The following MFN2 variants were observed in gnomAD, a reference collection of about 807,000 sequenced individuals.
The protein encoded by MFN2 is mitofusin-2.
MFN2 carries 43 observed loss-of-function variants against 87.5 expected under a neutral mutation model. The observed-to-expected ratio is 0.49, with a 90% confidence interval of 0.38 to 0.63. The LOEUF (loss-of-function observed/expected upper bound fraction) is 0.63, where lower values mean the gene tolerates loss of function less well. Ranked by LOEUF, MFN2 falls within the 30% of genes least tolerant of loss-of-function variation. MFN2 has a pLI of 0.00. For synonymous variants in MFN2, 337 were observed against 359.9 expected, an observed-to-expected ratio of 0.94 and a Z score of 0.72; for missense variants, 743 against 972.8, an observed-to-expected ratio of 0.76 and a Z score of 3.14.
rs1639286501 is a variant in MFN2 at position 12,003,881 on chromosome 1, C to G, written c.1161-111C>G. 1.0e-5 allele frequency: 15 copies of G among 1,449,050 alleles called. No individual in the cohort carries two copies. The South Asian group carries it at 1.7e-4, about 17-fold the overall frequency. 89.8% of individuals were successfully genotyped at this position (1,449,050 alleles called of 1,614,324 possible). A position where few individuals can be genotyped will look rare whatever the true frequency, so the allele number is the denominator to read the frequency against. Reference sequence around the variant, plus strand: ...CATGCCCCTGGGTGCGTGTGTGCAGCCCTGCCAGGCAAGATAGCGGGCAGG... The same window carrying G: ...CATGCCCCTGGGTGCGTGTGTGCAGGCCTGCCAGGCAAGATAGCGGGCAGG... On this transcript the variant is annotated intron_variant, in intron 11 of 18. Coordinates refer to ENST00000235329, the MANE Select transcript of MFN2 (RefSeq NM_014874.4). This position sits in a 1 kb window ranked among gnomAD's most constrained non-coding sequence, Gnocchi z 4.1.
At chr1:11,981,516 C>T (rs1645984024) in intron 1 of MFN2, among the ~76,000 whole-genome samples, 1 of 152,248 alleles carries the variant, frequency 6.6e-6, no homozygotes, top group Non-Finnish European at 1.5e-5. Flanking sequence ...CCAGCTTAGA[C>T]AAATCTTCAA....
At chr1:12,001,590 T>C in intron 9 of MFN2, 36 bp downstream of exon 9, 2 of 1,613,962 alleles carry the variant, frequency 1.2e-6, no homozygotes, top group African/African-American at 1.3e-5. Context: ...TTTTCTCTGA[T>C]GTTTGAGACA....
chr1:11,988,552 GTTT>G (rs1638532234), intron 2 of MFN2, among the ~76,000 whole-genome samples: 1 of 151,930 alleles, frequency 6.6e-6, no homozygotes, highest in African/African-American at 2.4e-5. Context: ...AACCAATAGT[GTTT>G]TTATGTGGTC....
At position 12,009,688 on chromosome 1, in the gene MFN2, G is replaced by A; in HGVS notation, c.2166G>A (p.Glu722=). ...QEIAAMNKKI[E]VLDSLQSKAK... The stretch of plus-strand genomic sequence containing the variant: ...TTGCCGCCATGAACAAGAAAATTGA[G>A]GTTCTTGACTCACTTCAGAGCAAAG... Residue 722 remains glutamate, a synonymous_variant, in exon 18 of 19, where the codon GAG becomes GAA. Transcript: ENST00000235329. The A allele has an allele frequency of 6.2e-7, 1 of 1,614,220 alleles. No homozygotes were observed. The highest frequency in any genetic ancestry group is 1.3e-5 in the African/African-American group (1 of 75,048).
chr1:11,998,081 A>G (rs1221540032), intron 6 of MFN2, among the ~76,000 whole-genome samples: 2 of 149,902 alleles, frequency 1.3e-5, no homozygotes, highest in African/African-American at 2.4e-5. Flanking sequence ...ACGGGGTTTC[A>G]CCATGTTGGC....
At position 12,003,906 on chromosome 1, in the gene MFN2, G is replaced by A; in HGVS notation, c.1161-86G>A. ...CCCTGCCAGGCAAGATAGCGGGCAG[G>A]GCGGCGTGGGATTTCTGGCATCCCC... On this transcript the variant is annotated intron_variant, in intron 11 of 18. Coordinates refer to ENST00000235329, the MANE Select transcript of MFN2 (RefSeq NM_014874.4). This position sits in a 1 kb window ranked among gnomAD's most constrained non-coding sequence, Gnocchi z 4.1. 1.3e-6 allele frequency: 2 copies of A among 1,573,584 alleles called. No individual in the cohort carries two copies. Among genetic ancestry groups the A allele is most frequent in the Non-Finnish European group, 1.7e-6 (2 of 1,145,450 alleles).
intron 2 of MFN2, among the ~76,000 whole-genome samples, chr1:11,985,103 C>G (rs1323056151): frequency 1.3e-5 from 2 of 152,058 alleles, no homozygotes; most frequent in Non-Finnish European, 2.9e-5. Context: ...AGCCCTCAAC[C>G]TGTGGGATCT....
At chr1:11,990,644 G>A (rs1294918225) in intron 3 of MFN2, among the ~76,000 whole-genome samples, 1 of 152,174 alleles carries the variant, frequency 6.6e-6, no homozygotes, top group Non-Finnish European at 1.5e-5. Context: ...GGAAAGAGCT[G>A]GAGTGATCCT....
chr1:11,997,879 C>CATT (rs1553142837), intron 6 of MFN2, among the ~76,000 whole-genome samples: 2 of 95,836 alleles, frequency 2.1e-5, no homozygotes, highest in Non-Finnish European at 3.8e-5. Context: ...TGTATATCAT[C>CATT]TTTTTTTTTT....
chr1:12,007,798 T>C (rs1639488151), intron 17 of MFN2, among the ~76,000 whole-genome samples: 1 of 152,024 alleles, frequency 6.6e-6, no homozygotes, highest in African/African-American at 2.4e-5. Context: ...TGATCATTCT[T>C]GGGTGTTTTG....
chr1:11,983,744 A>G (rs1025759663), intron 2 of MFN2, among the ~76,000 whole-genome samples: 3 of 152,206 alleles, frequency 2.0e-5, no homozygotes, highest in Non-Finnish European at 4.4e-5. Context: ...AGGATGTGAT[A>G]AAAACCAGAA....
chr1:11,997,509 C>A, intron 6 of MFN2, 88 bp downstream of exon 6: 1 of 1,565,546 alleles, frequency 6.4e-7, no homozygotes, highest in Non-Finnish European at 8.8e-7. Flanking sequence ...TCCCTGGGCC[C>A]CATCCTTGCT....
chr1:11,987,329 TATA>T (rs1191945023), intron 2 of MFN2, among the ~76,000 whole-genome samples: 1 of 139,944 alleles, frequency 7.1e-6, no homozygotes, highest in African/African-American at 2.7e-5. Context: ...AAAAAAAAAT[TATA>T]ATAAACAAAA....
intron 1 of MFN2, among the ~76,000 whole-genome samples, 187 bp downstream of exon 1, chr1:11,980,671 G>T (rs1557508328): frequency 6.6e-6 from 1 of 152,206 alleles, no homozygotes; most frequent in Non-Finnish European, 1.5e-5. Flanking sequence ...GCGGGCCACG[G>T]GACCTGGGAC....
chr1:12,011,689 C>A lies in MFN2; in HGVS notation c.*124C>A. 1 of 980,608 alleles carries A rather than the reference C, an allele frequency of 1.0e-6. No homozygotes were observed. Among genetic ancestry groups the A allele is most frequent in the Non-Finnish European group, 1.6e-6 (1 of 626,610 alleles). The allele number at this position is 980,608 out of a possible 1,614,324, so 60.7% of individuals were successfully genotyped here. A position where few individuals can be genotyped will look rare whatever the true frequency, so the allele number is the denominator to read the frequency against. On this transcript the variant is annotated 3_prime_UTR_variant, in exon 19 of 19. Transcript: ENST00000235329. ...GCCACTGCCAAGAGAATGAAGCACCCAGTCTCGTACCATTTTGAGCCCTCC... is the reference window on the plus strand; with the variant it reads ...GCCACTGCCAAGAGAATGAAGCACCAAGTCTCGTACCATTTTGAGCCCTCC...
chr1:11,993,881 A>G (rs1638800374), intron 4 of MFN2, among the ~76,000 whole-genome samples: 1 of 152,246 alleles, frequency 6.6e-6, no homozygotes, highest in Non-Finnish European at 1.5e-5. Flanking sequence ...TTTTAAATAC[A>G]AATAAAATGA....
chr1:11,997,879 C>CTTTTTTTTTTTTTTTTTTTTTT (rs768355266), intron 6 of MFN2, among the ~76,000 whole-genome samples: 2 of 95,836 alleles, frequency 2.1e-5, no homozygotes, highest in Non-Finnish European at 3.8e-5. Context: ...TGTATATCAT[C>CTTTTTTTTTTTTTTTTTTTTTT]TTTTTTTTTT....
chr1:12,011,729 T>C lies in MFN2; in HGVS notation c.*164T>C. On this transcript the variant is annotated 3_prime_UTR_variant, in exon 19 of 19. Transcript: ENST00000235329. ...TTGAGCCCTCCAGCACTACTTATTTTCCCCCACCTTTGCCTGCTGTTGCTG... is the reference window on the plus strand; with the variant it reads ...TTGAGCCCTCCAGCACTACTTATTTCCCCCCACCTTTGCCTGCTGTTGCTG... 1.4e-6 allele frequency: 1 copy of C among 703,436 alleles called. No individual in the cohort carries two copies. 43.6% of individuals were successfully genotyped at this position (703,436 alleles called of 1,614,324 possible). A position where few individuals can be genotyped will look rare whatever the true frequency, so the allele number is the denominator to read the frequency against.
intron 17 of MFN2, among the ~76,000 whole-genome samples, chr1:12,008,794 C>G (rs1040096893): frequency 3.4e-4 from 51 of 152,220 alleles, no homozygotes; most frequent in Non-Finnish European, 5.9e-4. Flanking sequence ...CTCCTCACTT[C>G]TCAGACGGGG....
Sources: allele counts gnomAD v4.1 joint callset (sites outside exome capture counted in the v4.1 genomes callset), GRCh38; gene constraint gnomAD v4.1.1; non-coding constraint Gnocchi (gnomAD v3.1); transcripts MANE v1.5; gene names NCBI Gene and HGNC (gene_info 2026-07-23, HGNC 2026-07-21).